HDAC9: variants seen among roughly 807,000 people sequenced by gnomAD.
HDAC9 encodes the protein MEF-2 interacting transcription repressor (MITR) protein.
Under a neutral mutation model 139.4 loss-of-function variants are expected in HDAC9, and 41 were observed. The ratio of observed to expected loss-of-function variants is 0.29; its 90% CI spans 0.23 to 0.38. HDAC9 has a LOEUF of 0.38. Among genes scored for constraint, HDAC9 ranks in the 10% least tolerant of loss-of-function variants. HDAC9 has a pLI of 1.00. For synonymous variants in HDAC9, 517 were observed against 476.2 expected (o/e 1.09, Z -1.12); for missense variants, 1,147 against 1,297.0 (o/e 0.88, Z 1.78).
intron 2 of HDAC9, among the ~76,000 whole-genome samples, chr7:18,283,315 CAA>C (rs1440902363): frequency 1.3e-5 from 2 of 152,126 alleles, no homozygotes; most frequent in East Asian, 3.9e-4. Context: ...CACTCACAAT[CAA>C]GAGAACAGCT....
rs1015466994 is a variant in HDAC9 at position 18,304,106 on chromosome 7, C to T, written c.-42+13591C>T. 2.0e-5 allele frequency among the ~76,000 whole-genome samples: 3 copies of T among 152,224 alleles called. 1 individual carries two copies. The highest frequency in any genetic ancestry group is 7.2e-5 in the African/African-American group (3 of 41,464). On this transcript the variant is annotated intron_variant, in intron 1 of 3. Transcript: ENST00000413509. ...TAGCAAAGTGTTTTGAATCTCCAAG[C>T]CCCAGGTTCCTCCTGTGTTACATGG...
At chr7:18,155,864 T>C (rs1034812574) in intron 1 of HDAC9, among the ~76,000 whole-genome samples, 1 of 152,126 alleles carries the variant, frequency 6.6e-6, no homozygotes, top group African/African-American at 2.4e-5. Flanking sequence ...TTTGCCAGCA[T>C]GTTTGGTGAA....
intron 1 of HDAC9, among the ~76,000 whole-genome samples, chr7:18,429,890 A>C (rs1233392365): frequency 6.6e-6 from 1 of 152,240 alleles, no homozygotes; most frequent in Non-Finnish European, 1.5e-5. Flanking sequence ...AAAGCAATTC[A>C]TTTCAGTTAC....
intron 2 of HDAC9, among the ~76,000 whole-genome samples, chr7:18,509,873 A>T (rs968242903): frequency 2.0e-5 from 3 of 151,866 alleles, no homozygotes; most frequent in Non-Finnish European, 2.9e-5. Flanking sequence ...AATTAGTTAT[A>T]TTATAAGCTC....
intron 1 of HDAC9, among the ~76,000 whole-genome samples, chr7:18,464,979 TC>T (rs1291249035): frequency 1.3e-5 from 2 of 152,090 alleles, no homozygotes; most frequent in African/African-American, 4.8e-5. Flanking sequence ...CTGTATCTTA[TC>T]CCTTTAATAC....
At chr7:18,988,369 G>C (rs190664820) in intron 25 of HDAC9, among the ~76,000 whole-genome samples, 50 of 151,890 alleles carry the variant, frequency 3.3e-4, no homozygotes, top group Non-Finnish European at 5.0e-4. Flanking sequence ...GTAGTTGAGC[G>C]GTTTTGAGTG....
intron 16 of HDAC9, among the ~76,000 whole-genome samples, chr7:18,774,078 A>G (rs2519740): frequency 0.016 from 2,392 of 152,108 alleles, 56 homozygotes; most frequent in African/African-American, 0.055. Context: ...AATCCCTAGG[A>G]TTTAATCATT....
intron 23 of HDAC9, 44 bp downstream of exon 23, chr7:18,935,986 G>T (rs187241393): frequency 6.4e-7 from 1 of 1,570,240 alleles, no homozygotes; most frequent in Non-Finnish European, 8.7e-7. Context: ...AAGAATCAGG[G>T]ATGTATGCAT....
At chr7:18,285,535 A>T (rs190337953), upstream of HDAC9, among the ~76,000 whole-genome samples, 11 of 152,156 alleles carry the variant, frequency 7.2e-5, no homozygotes, top group Admixed American at 2.0e-4. Context: ...AAGATTCTTG[A>T]TATAGTGTGA....
At chr7:18,860,580 G>A (rs1247760208) in intron 21 of HDAC9, among the ~76,000 whole-genome samples, 1 of 152,068 alleles carries the variant, frequency 6.6e-6, no homozygotes, top group African/African-American at 2.4e-5. Flanking sequence ...TCTGACTTGT[G>A]TCAAATTTTT....
intron 1 of HDAC9, among the ~76,000 whole-genome samples, chr7:18,454,051 A>C (rs563491047): frequency 6.6e-6 from 1 of 152,276 alleles, no homozygotes; most frequent in South Asian, 2.1e-4. Flanking sequence ...ATTCCAAAGT[A>C]TAATTGCCTA....
rs6957558 is a variant in HDAC9, at chr7:18,322,251, T to C, written c.-42+31736T>C. On this transcript the variant is annotated intron_variant, in intron 1 of 3. Transcript: ENST00000413509. ...ATACTTTAGGATATGAATGTGAGCA[T>C]CACAATTTGAATTACTTGGCCTGTT... Among the ~76,000 whole-genome samples, 559 of 152,344 alleles carry C rather than the reference T, an allele frequency of 3.7e-3. 1 individual carries two copies. The highest frequency in any genetic ancestry group is 0.013 in the African/African-American group (535 of 41,588).
intron 20 of HDAC9, 149 bp downstream of exon 20, chr7:18,835,735 A>G (rs1482505435): frequency 8.7e-6 from 10 of 1,144,086 alleles, no homozygotes; most frequent in Middle Eastern, 3.9e-4. Flanking sequence ...ACCAGTGCAG[A>G]ACAAGTGCAT....
chr7:18,589,456 C>T (rs986628240), intron 3 of HDAC9, among the ~76,000 whole-genome samples: 1 of 152,058 alleles, frequency 6.6e-6, no homozygotes, highest in Admixed American at 6.5e-5. Context: ...ATCGCTTGAG[C>T]CCAGGAGATT....
At chr7:18,994,806 T>TAAAC (rs1470961758) in intron 25 of HDAC9, among the ~76,000 whole-genome samples, 1 of 152,220 alleles carries the variant, frequency 6.6e-6, no homozygotes, top group African/African-American at 2.4e-5. Flanking sequence ...TTTGTTTGCA[T>TAAAC]AAACAGCTCT....
chr7:18,948,438 T>C (rs924419078), intron 23 of HDAC9, among the ~76,000 whole-genome samples: 1 of 152,016 alleles, frequency 6.6e-6, no homozygotes, highest in East Asian at 1.9e-4. Flanking sequence ...TAATTATATA[T>C]CTATATAACT....
chr7:18,647,989 C>T lies in HDAC9; in HGVS notation c.1240C>T (p.Leu414Phe), dbSNP rs766245801. 5.6e-6 allele frequency: 9 copies of T among 1,606,628 alleles called. No homozygotes were observed. The South Asian group carries it at 8.9e-5, about 16-fold the overall frequency. The change falls in exon 10 of 26, where the codon CTT becomes TTT. Residue 414 changes from leucine (L) to phenylalanine (F), a missense_variant. Physicochemically the swap from Leu to Phe is conservative, Grantham distance 22. Coordinates refer to ENST00000686413, the MANE Select transcript of HDAC9 (RefSeq NM_178425.4). The part of the protein sequence containing the change: ...LKEQMRQQKL[L>F]VAGGVPLHPQ... ...AGAACAAATGCGACAGCAAAAGCTT[C>T]TTGTAGCTGGTAATTCATTATGGCA...
intron 2 of HDAC9, among the ~76,000 whole-genome samples, chr7:18,541,193 C>A (rs1165694073): frequency 4.5e-5 from 2 of 44,904 alleles, no homozygotes; most frequent in Non-Finnish European, 8.4e-5. Flanking sequence ...CTGGTTATAA[C>A]ATTTGTTTTT....
At chr7:18,329,891 C>T (rs1800778167) in intron 1 of HDAC9, among the ~76,000 whole-genome samples, 2 of 151,640 alleles carry the variant, frequency 1.3e-5, no homozygotes, top group African/African-American at 4.8e-5. Context: ...CTAGCCACAA[C>T]ATTCTTACTA....
Sources: allele counts gnomAD v4.1 joint callset (sites outside exome capture counted in the v4.1 genomes callset), GRCh38; gene constraint gnomAD v4.1.1; transcripts MANE v1.5; gene names NCBI Gene and HGNC (gene_info 2026-07-23, HGNC 2026-07-21).